STOX1: variants seen among roughly 807,000 people sequenced by gnomAD.
STOX1 encodes storkhead box 1, also known as storkhead-box protein 1.
STOX1 carries 57 observed loss-of-function variants against 74.8 expected under a neutral mutation model. The ratio of observed to expected loss-of-function variants is 0.76; its 90% CI spans 0.62 to 0.95. STOX1 has a LOEUF of 0.95. Among genes scored for constraint, STOX1 ranks in the 40% least tolerant of loss-of-function variants. STOX1 has a pLI of 0.00. For missense variants in STOX1, 1,010 were observed against 1,117.0 expected (o/e 0.90, Z 1.37); for synonymous variants, 375 against 401.3 (o/e 0.93, Z 0.78).
intron 1 of STOX1, among the ~76,000 whole-genome samples, chr10:68,842,984 T>C (rs1242933213): frequency 1.3e-5 from 2 of 152,230 alleles, no homozygotes; most frequent in Non-Finnish European, 2.9e-5. Flanking sequence ...ATGTAGGGTC[T>C]GGCAACGCAT....
At chr10:68,882,539 C>G (rs1589235933) in intron 2 of STOX1, among the ~76,000 whole-genome samples, 1 of 151,298 alleles carries the variant, frequency 6.6e-6, no homozygotes, top group African/African-American at 2.4e-5. Context: ...GCTCTGTCAC[C>G]CAGGCTAGAG....
At chr10:68,847,412 T>TTTTGTTTTGA (rs1450315550) in intron 1 of STOX1, among the ~76,000 whole-genome samples, 5 of 145,676 alleles carry the variant, frequency 3.4e-5, no homozygotes, top group Non-Finnish European at 1.5e-5. Context: ...GAAGGTTTTG[T>TTTTGTTTTGA]TTTGTTTTGT....
At chr10:68,835,173 C>G (rs1839512868) in intron 1 of STOX1, among the ~76,000 whole-genome samples, 1 of 151,952 alleles carries the variant, frequency 6.6e-6, no homozygotes, top group African/African-American at 2.4e-5. Context: ...TCCTGAGTAG[C>G]TGGGATTACA....
chr10:68,855,814 TG>T (rs34583787), intron 1 of STOX1, among the ~76,000 whole-genome samples: 1 of 151,782 alleles, frequency 6.6e-6, no homozygotes, highest in Non-Finnish European at 1.5e-5. Context: ...CTGATAAACT[TG>T]GGGGCCCCTC....
rs1174989670 is a variant in STOX1 at position 68,886,582 on chromosome 10, A to G, written c.2786A>G (p.His929Arg). The G allele has an allele frequency of 6.2e-7, 1 of 1,614,192 alleles. No individual in the cohort carries two copies. The highest frequency in any genetic ancestry group is 2.2e-5 in the East Asian group (1 of 44,882). ...EHSHLEGTEN[H>R]SMAGDSGIDS... ...AGTCACTTGGAAGGGACAGAAAATC[A>G]CAGCATGGCAGGAGATAGTGGAATA... The change falls in exon 3 of 4, where the codon CAC becomes CGC. Residue 929 changes from histidine to arginine, a missense_variant. Coordinates refer to ENST00000298596, the MANE Select transcript of STOX1 (RefSeq NM_152709.5).
At chr10:68,845,211 C>T (rs1292213989) in intron 1 of STOX1, among the ~76,000 whole-genome samples, 2 of 152,056 alleles carry the variant, frequency 1.3e-5, no homozygotes, top group Admixed American at 6.6e-5. Flanking sequence ...TCAGGTGATC[C>T]TCCTGCCTCA....
chr10:68,863,147 C>T (rs1055811034), intron 1 of STOX1, among the ~76,000 whole-genome samples: 7 of 151,988 alleles, frequency 4.6e-5, no homozygotes, highest in African/African-American at 7.3e-5. Context: ...TCTGTAGGAC[C>T]GGGCAACCAA....
At chr10:68,849,398 C>G (rs927316357) in intron 1 of STOX1, among the ~76,000 whole-genome samples, 6 of 152,148 alleles carry the variant, frequency 3.9e-5, no homozygotes, top group African/African-American at 1.4e-4. Flanking sequence ...CGAACTCTTC[C>G]GATTATTTAA....
At chr10:68,867,839 T>G (rs185485412) in intron 1 of STOX1, among the ~76,000 whole-genome samples, 65 of 152,350 alleles carry the variant, frequency 4.3e-4, no homozygotes, top group African/African-American at 1.5e-3. Flanking sequence ...GTTCCTCAGT[T>G]CGGAAACCAG....
In STOX1 at chr10:68,828,957, C is replaced by G. The variant is rs572100349; in HGVS notation, c.310+1024C>G. The G allele has an allele frequency of 1.3e-5, 13 of 985,312 alleles. No individual in the cohort carries two copies. The East Asian group carries it at 7.9e-4, about 60-fold the overall frequency. The allele number at this position is 985,312 out of a possible 1,614,324, so 61.0% of individuals were successfully genotyped here. ...ATTTGAGAAACTAAACCACCGCACC[C>G]GTGAGTGGTCTCTGACTCTGGGCAC... is the stretch of plus-strand genomic sequence containing the variant. On this transcript the variant is annotated intron_variant, in intron 1 of 3. Coordinates refer to ENST00000298596, the MANE Select transcript of STOX1 (RefSeq NM_152709.5).
At chr10:68,881,295 G>GTCC (rs1055837376) in intron 1 of STOX1, among the ~76,000 whole-genome samples, 1 of 152,116 alleles carries the variant, frequency 6.6e-6, no homozygotes, top group Non-Finnish European at 1.5e-5. Context: ...TTCCACTTTG[G>GTCC]TCCTGTATTA....
rs1840945104 is a variant in STOX1 at position 68,886,061 on chromosome 10, C to T, written c.2265C>T (p.His755=). ...NDDLRQMLPG[H]SQYSFTGGSQ... is the part of the protein sequence containing the mutation. ...ACTTACGTCAAATGCTGCCTGGCCA[C>T]AGTCAGTATTCCTTCACAGGTGGAA... The change falls in exon 3 of 4, where the codon CAC becomes CAT. Residue 755 remains histidine, a synonymous_variant. Coordinates refer to ENST00000298596, the MANE Select transcript of STOX1 (RefSeq NM_152709.5). The T allele has an allele frequency of 6.2e-6, 10 of 1,614,182 alleles. No homozygotes were observed. Among genetic ancestry groups the T allele is most frequent in the Non-Finnish European group, 8.5e-6 (10 of 1,180,042 alleles).
At chr10:68,888,176 C>T (rs1841012270) in intron 3 of STOX1, among the ~76,000 whole-genome samples, 1 of 152,106 alleles carries the variant, frequency 6.6e-6, no homozygotes, top group Non-Finnish European at 1.5e-5. Context: ...TCTCAGCTGA[C>T]TGCAACCTCC....
At chr10:68,854,059 A>G (rs1256928621) in intron 1 of STOX1, among the ~76,000 whole-genome samples, 1 of 150,430 alleles carries the variant, frequency 6.6e-6, no homozygotes, top group East Asian at 2.0e-4. Context: ...GCTGTGGCAC[A>G]ATATCAGCTC....
chr10:68,844,500 T>C (rs958312504), intron 1 of STOX1, among the ~76,000 whole-genome samples: 5 of 152,034 alleles, frequency 3.3e-5, no homozygotes, highest in Admixed American at 1.3e-4. Flanking sequence ...GGTTTCACCA[T>C]GTTGGCCAGG....
In STOX1 at chr10:68,886,538, G is replaced by A. The variant is rs903911790; in HGVS notation, c.2742G>A (p.Gln914=). The change falls in exon 3 of 4, where the codon CAG becomes CAA. Residue 914 remains glutamine, a synonymous_variant. Coordinates refer to ENST00000298596, the MANE Select transcript of STOX1 (RefSeq NM_152709.5). ...CTTCACATATGCCAGTGTTGGCTCA[G>A]GATGTCCAATATGAACACAGTCACT... ...FNTSHMPVLA[Q]DVQYEHSHLE... 6.2e-7 allele frequency: 1 copy of A among 1,614,122 alleles called. No individual in the cohort carries two copies. The highest frequency in any genetic ancestry group is 8.5e-7 in the Non-Finnish European group (1 of 1,180,012).
chr10:68,830,106 T>C (rs1240236715), intron 1 of STOX1, among the ~76,000 whole-genome samples: 2 of 152,118 alleles, frequency 1.3e-5, no homozygotes, highest in Non-Finnish European at 2.9e-5. Context: ...TGGTAAATGC[T>C]GGTGTCTGTG....
chr10:68,875,096 G>C (rs1212203492), intron 1 of STOX1, among the ~76,000 whole-genome samples: 1 of 152,168 alleles, frequency 6.6e-6, no homozygotes, highest in Non-Finnish European at 1.5e-5. Flanking sequence ...TTCAAGATGT[G>C]GAGTGAATGT....
At chr10:68,862,152 C>G (rs900547348) in intron 1 of STOX1, among the ~76,000 whole-genome samples, 2 of 151,996 alleles carry the variant, frequency 1.3e-5, no homozygotes, top group Admixed American at 1.3e-4. Flanking sequence ...AGCTGCTGCA[C>G]CAGTAGGCTG....
Sources: gnomAD v4.1 joint callset for allele counts (sites outside exome capture counted in the v4.1 genomes callset) on GRCh38, gnomAD v4.1.1 for gene constraint, MANE v1.5 for transcripts, NCBI Gene and HGNC (gene_info 2026-07-23, HGNC 2026-07-21) for gene names.